CDH12: variants seen among roughly 807,000 people sequenced by gnomAD.
CDH12 encodes the protein cadherin 12.
Under a neutral mutation model 74.1 loss-of-function variants are expected in CDH12, and 41 were observed. The observed-to-expected ratio is 0.55, with a 90% CI of 0.43 to 0.72. The LOEUF (loss-of-function observed/expected upper bound fraction) is 0.72, where lower values mean the gene tolerates loss of function less well. Among genes scored for constraint, CDH12 ranks in the 30% least tolerant of loss-of-function variants. The pLI is 0.00. For missense variants in CDH12, 945 were observed against 977.2 expected, an observed-to-expected ratio of 0.97 and a Z score of 0.44; for synonymous variants, 399 against 355.0, an observed-to-expected ratio of 1.12 and a Z score of -1.39.
At chr5:22,596,117 AAAAAAAT>A (rs1324923484) in intron 1 of CDH12, among the ~76,000 whole-genome samples, 2 of 149,470 alleles carry the variant, frequency 1.3e-5, no homozygotes, top group Non-Finnish European at 3.0e-5. Flanking sequence ...CAAAAAAAAT[AAAAAAAT>A]AAAAAATAAA....
chr5:22,568,006 A>C (rs998527728), intron 1 of CDH12, among the ~76,000 whole-genome samples: 5 of 152,242 alleles, frequency 3.3e-5, no homozygotes, highest in Non-Finnish European at 4.4e-5. Flanking sequence ...TTTACAACAC[A>C]CACAATTTAG....
At chr5:22,430,795 A>G (rs1392027269) in intron 2 of CDH12, among the ~76,000 whole-genome samples, 2 of 152,148 alleles carry the variant, frequency 1.3e-5, no homozygotes, top group Non-Finnish European at 2.9e-5. Flanking sequence ...GGTCCTTCTT[A>G]TCAGCCAAGC....
rs201643606 is a variant in CDH12 at position 22,739,312 on chromosome 5, T to A, written c.-523+113746A>T. On this transcript the variant is annotated intron_variant, in intron 1 of 14. Transcript: ENST00000382254. ...TATACAACATTTTTGAATTTAAAAA[T>A]TTTACTTTTTTTTACTTACATTAAA... 3.2e-3 allele frequency among the ~76,000 whole-genome samples: 244 copies of A among 75,894 alleles called. 1 individual carries two copies. The highest frequency in any genetic ancestry group is 9.4e-3 in the East Asian group (25 of 2,654). The allele number at this position is 75,894 out of a possible 152,430, so 49.8% of individuals were successfully genotyped here. A position where few individuals can be genotyped will look rare whatever the true frequency, so the allele number is the denominator to read the frequency against.
chr5:22,723,859 A>G (rs939415198), intron 1 of CDH12, among the ~76,000 whole-genome samples: 4 of 152,032 alleles, frequency 2.6e-5, no homozygotes, highest in African/African-American at 9.7e-5. Flanking sequence ...CATCTGACAG[A>G]GATGGAAGAT....
At chr5:22,506,186 A>G (rs550478741) in intron 1 of CDH12, among the ~76,000 whole-genome samples, 98 of 152,248 alleles carry the variant, frequency 6.4e-4, no homozygotes, top group African/African-American at 2.2e-3. Flanking sequence ...AAGCAAGTCA[A>G]TAAAAGCAGC....
intron 6 of CDH12, among the ~76,000 whole-genome samples, chr5:21,945,496 A>G (rs1227501449): frequency 6.7e-6 from 1 of 150,294 alleles, no homozygotes; most frequent in African/African-American, 2.4e-5. Flanking sequence ...TAAAGAAACC[A>G]TCATAAAAGT....
intron 1 of CDH12, among the ~76,000 whole-genome samples, chr5:22,512,284 A>C (rs1736645362): frequency 6.6e-6 from 1 of 152,220 alleles, no homozygotes; most frequent in South Asian, 2.1e-4. Context: ...TATATTAAAG[A>C]ATTAGATACA....
At chr5:22,382,287 A>G (rs1205150622) in intron 3 of CDH12, among the ~76,000 whole-genome samples, 4 of 147,560 alleles carry the variant, frequency 2.7e-5, no homozygotes, top group Admixed American at 2.1e-4. Context: ...TAGTCTATAT[A>G]TAGAAATATA....
intron 6 of CDH12, among the ~76,000 whole-genome samples, chr5:21,870,800 C>T (rs964266912): frequency 6.6e-6 from 1 of 152,152 alleles, no homozygotes; most frequent in Non-Finnish European, 1.5e-5. Context: ...GGTATAATCA[C>T]AGCCTACTGC....
At position 21,912,400 on chromosome 5, in the gene CDH12, A is replaced by G. The variant is rs567796455; in HGVS notation, c.527-57610T>C. ...AGGTCACTTCAAAAAGTCCTTACAT[A>G]ATGAGATTTTAAATGGAACTCCTGC... On this transcript the variant is annotated intron_variant, in intron 6 of 14. Transcript: ENST00000382254. Among the ~76,000 whole-genome samples, 9 of 152,162 alleles carry G rather than the reference A, an allele frequency of 5.9e-5. No individual in the cohort carries two copies. In the South Asian group the frequency reaches 1.7e-3, roughly 28 times the overall value.
chr5:22,463,537 T>C (rs1288011565), intron 2 of CDH12, among the ~76,000 whole-genome samples: 1 of 152,142 alleles, frequency 6.6e-6, no homozygotes, highest in African/African-American at 2.4e-5. Flanking sequence ...TGAATAATTG[T>C]TCACTTGTTG....
intron 1 of CDH12, among the ~76,000 whole-genome samples, chr5:22,718,022 G>A (rs563930275): frequency 2.0e-5 from 3 of 152,186 alleles, no homozygotes; most frequent in African/African-American, 7.2e-5. Context: ...ATCAGCTAAT[G>A]CTTTCATATT....
intron 1 of CDH12, among the ~76,000 whole-genome samples, chr5:22,668,048 A>G (rs1473163514): frequency 2.0e-5 from 3 of 152,224 alleles, no homozygotes; most frequent in African/African-American, 7.2e-5. Context: ...GGCTCAGCAA[A>G]TATGAAAACA....
intron 4 of CDH12, among the ~76,000 whole-genome samples, chr5:22,169,091 C>T (rs1429452801): frequency 6.6e-6 from 1 of 151,766 alleles, no homozygotes; most frequent in Admixed American, 6.6e-5. Flanking sequence ...TTTCCCTCTC[C>T]TCCTGTCTAT....
chr5:22,846,383 G>A (rs1737303023), intron 1 of CDH12, among the ~76,000 whole-genome samples: 1 of 152,114 alleles, frequency 6.6e-6, no homozygotes. Flanking sequence ...GCTACTGGAT[G>A]CAATTACCCC....
At chr5:22,821,471 T>C (rs1243027841) in intron 1 of CDH12, among the ~76,000 whole-genome samples, 1 of 152,164 alleles carries the variant, frequency 6.6e-6, no homozygotes, top group Non-Finnish European at 1.5e-5. Context: ...GACATGATTG[T>C]ATATCTAGAA....
At chr5:22,258,312 A>T (rs1753391221) in intron 3 of CDH12, among the ~76,000 whole-genome samples, 1 of 152,108 alleles carries the variant, frequency 6.6e-6, no homozygotes, top group African/African-American at 2.4e-5. Context: ...TTTGAAAGAC[A>T]AAAGGCTGGT....
At position 22,559,063 on chromosome 5, in the gene CDH12, C is replaced by T. The variant is rs1370509562; in HGVS notation, c.-522-53699G>A. On this transcript the variant is annotated intron_variant, in intron 1 of 14. Coordinates refer to ENST00000382254, the MANE Select transcript of CDH12 (RefSeq NM_004061.5). ...ATCTACTCCTTACCACCCGTTTACACACCCACTAAAGTCCTGAAGTCCTGG... is the reference window on the plus strand; with the variant it reads ...ATCTACTCCTTACCACCCGTTTACATACCCACTAAAGTCCTGAAGTCCTGG... Among the ~76,000 whole-genome samples the T allele has an allele frequency of 2.6e-5, 4 of 152,048 alleles. No homozygotes were observed. In the East Asian group the frequency reaches 5.8e-4, roughly 22 times the overall value.
At chr5:22,373,499 G>A (rs1243816640) in intron 3 of CDH12, among the ~76,000 whole-genome samples, 1 of 152,184 alleles carries the variant, frequency 6.6e-6, no homozygotes, top group African/African-American at 2.4e-5. Context: ...ACCTAAACCT[G>A]TTAACACAAA....
Sources: allele counts gnomAD v4.1 joint callset (sites outside exome capture counted in the v4.1 genomes callset), GRCh38; gene constraint gnomAD v4.1.1; transcripts MANE v1.5; gene names NCBI Gene and HGNC (gene_info 2026-07-23, HGNC 2026-07-21).